The following SIPA1L3 variants were observed in gnomAD, a reference collection of about 807,000 sequenced individuals.
The protein encoded by SIPA1L3 is signal-induced proliferation-associated 1-like protein 3.
Under a neutral mutation model 150.1 loss-of-function variants are expected in SIPA1L3, and 59 were observed. The observed-to-expected ratio is 0.39, with a 90% CI of 0.32 to 0.49. SIPA1L3 has a LOEUF of 0.49. SIPA1L3 is among the 20% of genes least tolerant of loss of function. The pLI is 0.86. For missense variants in SIPA1L3, 2,211 were observed against 2,489.5 expected, an observed-to-expected ratio of 0.89 and a Z score of 2.38; for synonymous variants, 1,070 against 1,077.6, an observed-to-expected ratio of 0.99 and a Z score of 0.14.
chr19:38,166,490 A>C (rs332860), intron 15 of SIPA1L3, among the ~76,000 whole-genome samples: 93,095 of 151,314 alleles, frequency 0.62, 29,167 homozygotes, highest in African/African-American at 0.72. Context: ...GAAAAGCAGG[A>C]ATTGGCGAGC....
chr19:38,131,872 C>G (rs1320672580), intron 10 of SIPA1L3: 1 of 111,408 alleles, frequency 9.0e-6, no homozygotes, highest in East Asian at 3.1e-4. Flanking sequence ...TCCTCGTGAT[C>G]CACGTGCCTC....
chr19:38,133,968 A>T (rs998935227), intron 10 of SIPA1L3, among the ~76,000 whole-genome samples: 4 of 150,254 alleles, frequency 2.7e-5, no homozygotes, highest in African/African-American at 7.3e-5. Flanking sequence ...ACATAGCAAG[A>T]CCTCGCCACT....
At chr19:38,063,623 G>A (rs1220896331) in intron 2 of SIPA1L3, among the ~76,000 whole-genome samples, 1 of 152,240 alleles carries the variant, frequency 6.6e-6, no homozygotes, top group Admixed American at 6.5e-5. Context: ...GTCTTCTAAA[G>A]GAGGCTTGGC....
rs117860764 is a variant in SIPA1L3 at position 38,202,309 on chromosome 19, C to T, written c.5120+312C>T. 0.014 allele frequency among the ~76,000 whole-genome samples: 2,200 copies of T among 152,270 alleles called. 25 individuals are homozygous for T. The highest frequency in any genetic ancestry group is 0.023 in the Non-Finnish European group (1,542 of 68,012). On this transcript the variant is annotated intron_variant, in intron 20 of 21. Coordinates refer to ENST00000222345, the MANE Select transcript of SIPA1L3 (RefSeq NM_015073.3). ...CAACTTTGAACACTGCTAAGCAGGCCGGGCGCGGTGGCTCACGCCTGTAAA... is the reference window on the plus strand; with the variant it reads ...CAACTTTGAACACTGCTAAGCAGGCTGGGCGCGGTGGCTCACGCCTGTAAA...
intron 20 of SIPA1L3, among the ~76,000 whole-genome samples, chr19:38,203,357 C>T (rs951701138): frequency 1.2e-4 from 18 of 152,180 alleles, no homozygotes; most frequent in Admixed American, 1.2e-3. Context: ...AAAGGGTGGG[C>T]GAGGCAGGAG....
chr19:38,075,160 A>G (rs1318236837), intron 2 of SIPA1L3, among the ~76,000 whole-genome samples: 1 of 152,230 alleles, frequency 6.6e-6, no homozygotes, highest in African/African-American at 2.4e-5. Context: ...AATTTTTTAG[A>G]AATTTGCAAC....
At chr19:38,169,386 C>A (rs1317014410) in intron 15 of SIPA1L3, among the ~76,000 whole-genome samples, 1 of 151,018 alleles carries the variant, frequency 6.6e-6, no homozygotes, top group Non-Finnish European at 1.5e-5. Context: ...GAGACTCAGT[C>A]TCAAAAAAAA....
At position 38,088,982 on chromosome 19, in the gene SIPA1L3, G is replaced by A. The variant is rs550873978; in HGVS notation, c.1665+131G>A. ...CCAACAACCCCGGGAGAGCAATCCT[G>A]TTAGTCTCTCCATCTCACAGAGGAA... On this transcript the variant is annotated intron_variant, in intron 4 of 21. Transcript: ENST00000222345. The A allele has an allele frequency of 4.1e-5, 38 of 935,784 alleles. No individual in the cohort carries two copies. In the South Asian group the frequency reaches 5.9e-4, roughly 14 times the overall value. The allele number at this position is 935,784 out of a possible 1,614,324, so 58.0% of individuals were successfully genotyped here.
chr19:38,134,445 A>G (rs560336289), intron 10 of SIPA1L3, among the ~76,000 whole-genome samples: 2 of 141,472 alleles, frequency 1.4e-5, no homozygotes, highest in Non-Finnish European at 3.0e-5. Flanking sequence ...TTGGTGGCTC[A>G]TGCCTGTAAT....
chr19:38,207,176 A>C lies in SIPA1L3; in HGVS notation c.*936A>C, dbSNP rs2146083439. On this transcript the variant is annotated 3_prime_UTR_variant, in exon 22 of 22. Coordinates refer to ENST00000222345, the MANE Select transcript of SIPA1L3 (RefSeq NM_015073.3). The stretch of plus-strand genomic sequence containing the variant: ...GAGGGGCTCCCGAAGCCCTCAGGAC[A>C]GGGCTGGAGGAGAACAGCCTTCATC... 6.6e-6 allele frequency: 1 copy of C among 151,698 alleles called. No homozygotes were observed. The highest frequency in any genetic ancestry group is 2.1e-4 in the South Asian group (1 of 4,814). The allele number at this position is 151,698 out of a possible 1,614,324, so 9.4% of individuals were successfully genotyped here. A position where few individuals can be genotyped will look rare whatever the true frequency, so the allele number is the denominator to read the frequency against.
Position 38,081,727 on chromosome 19 carries a change from G to GGCCACC in SIPA1L3, c.187_192dup (p.Ala63_Thr64dup), listed in dbSNP as rs562186095. 10,102 of 1,602,804 alleles carry GGCCACC rather than the reference G, an allele frequency of 6.3e-3. 118 individuals carry two copies. Among genetic ancestry groups the GGCCACC allele is most frequent in the East Asian group, 0.046 (2,047 of 44,132 alleles). On this transcript the variant is annotated inframe_insertion, in exon 3 of 22. Transcript: ENST00000222345. The stretch of plus-strand genomic sequence containing the variant: ...TGTCCCAGCCTCTTGGCGAGAGCCC[G>GGCCACC]GCCACCGCCACCGCCACCGCCACCG...
At chr19:38,073,436 G>A (rs535849215) in intron 2 of SIPA1L3, among the ~76,000 whole-genome samples, 3 of 152,282 alleles carry the variant, frequency 2.0e-5, no homozygotes, top group Non-Finnish European at 1.5e-5. Flanking sequence ...TCCGTTACTC[G>A]CAGCCAAACA....
chr19:38,169,429 G>A (rs1972278700), intron 15 of SIPA1L3, among the ~76,000 whole-genome samples: 1 of 151,884 alleles, frequency 6.6e-6, no homozygotes, highest in South Asian at 2.1e-4. Flanking sequence ...GTGGCCTTTA[G>A]TGTCAGCCCA....
intron 1 of SIPA1L3, among the ~76,000 whole-genome samples, chr19:37,993,309 G>A (rs936409458): frequency 3.9e-5 from 6 of 152,150 alleles, no homozygotes; most frequent in African/African-American, 7.2e-5. Flanking sequence ...CTCATTGTGC[G>A]TTGGCTGTTT....
chr19:38,124,261 C>T (rs906634555), intron 9 of SIPA1L3, among the ~76,000 whole-genome samples: 8 of 150,162 alleles, frequency 5.3e-5, no homozygotes, highest in Non-Finnish European at 7.4e-5. Context: ...GGTTGCCAGG[C>T]GGAGGGTCTC....
At chr19:38,129,624 CAAA>C (rs35422625) in intron 9 of SIPA1L3, among the ~76,000 whole-genome samples, 6 of 96,272 alleles carry the variant, frequency 6.2e-5, no homozygotes, top group Non-Finnish European at 9.1e-5. Context: ...GACTCTGTCT[CAAA>C]AAAAAAAAAA....
At chr19:38,097,330 C>T (rs1044838708) in intron 4 of SIPA1L3, among the ~76,000 whole-genome samples, 1 of 152,124 alleles carries the variant, frequency 6.6e-6, no homozygotes, top group Non-Finnish European at 1.5e-5. Context: ...GCCTGGGCAA[C>T]AGAGTTAGAC....
chr19:38,030,740 C>A (rs1044396599), intron 2 of SIPA1L3, among the ~76,000 whole-genome samples: 1 of 151,732 alleles, frequency 6.6e-6, no homozygotes, highest in Non-Finnish European at 1.5e-5. Flanking sequence ...AGTGAACATT[C>A]TCTCTTGTTT....
chr19:38,095,697 G>A (rs982321165), intron 4 of SIPA1L3, among the ~76,000 whole-genome samples: 1 of 152,184 alleles, frequency 6.6e-6, no homozygotes, highest in Admixed American at 6.5e-5. Flanking sequence ...AGGTGATGGT[G>A]GGGGTGACCA....
Sources: allele counts gnomAD v4.1 joint callset (sites outside exome capture counted in the v4.1 genomes callset), GRCh38; gene constraint gnomAD v4.1.1; transcripts MANE v1.5; gene names NCBI Gene and HGNC (gene_info 2026-07-23, HGNC 2026-07-21).